The following RBFOX1 variants were observed in gnomAD, a reference collection of about 807,000 sequenced individuals.
RBFOX1 encodes RNA binding protein fox-1 homolog 1.
RBFOX1 carries 8 observed loss-of-function variants against 57.7 expected under a neutral mutation model. The ratio of observed to expected loss-of-function variants is 0.14; its 90% CI spans 0.08 to 0.25. The LOEUF is 0.25. Ranked by LOEUF, RBFOX1 falls within the 10% of genes least tolerant of loss-of-function variation. RBFOX1 has a pLI of 1.00. For synonymous variants in RBFOX1, 326 were observed against 222.4 expected, an observed-to-expected ratio of 1.47 and a Z score of -4.15; for missense variants, 611 against 548.5, an observed-to-expected ratio of 1.11 and a Z score of -1.14.
chr16:6,658,483 A>C (rs2098676884), intron 3 of RBFOX1, among the ~76,000 whole-genome samples: 1 of 152,176 alleles, frequency 6.6e-6, no homozygotes, highest in African/African-American at 2.4e-5. Flanking sequence ...CTGGGATTAC[A>C]GGCATGAGCC....
chr16:7,363,835 GT>G lies in RBFOX1; in HGVS notation c.28-154309del, dbSNP rs1361983411. ...AGAATCTCCCGTCAGTCTTCTTGAT[GT>G]TTATTATCTGGGTGGAGGGGGAGGG... On this transcript the variant is annotated intron_variant, in intron 4 of 15. Transcript: ENST00000550418. Among the ~76,000 whole-genome samples the G allele has an allele frequency of 1.2e-4, 18 of 152,106 alleles. No individual in the cohort carries two copies. The East Asian group carries it at 3.3e-3, about 28-fold the overall frequency.
At chr16:6,136,793 T>C (rs932317755) in intron 1 of RBFOX1, among the ~76,000 whole-genome samples, 1 of 152,212 alleles carries the variant, frequency 6.6e-6, no homozygotes, top group African/African-American at 2.4e-5. Flanking sequence ...CACAGAGAAG[T>C]ACTGTTCCTT....
intron 7 of RBFOX1, among the ~76,000 whole-genome samples, chr16:7,593,937 G>A (rs995344621): frequency 6.6e-6 from 1 of 152,048 alleles, no homozygotes; most frequent in African/African-American, 2.4e-5. Flanking sequence ...TATTCCGACT[G>A]TTGAAAAGTT....
chr16:6,353,566 G>T (rs2086766999), intron 2 of RBFOX1, among the ~76,000 whole-genome samples: 2 of 152,096 alleles, frequency 1.3e-5, no homozygotes, highest in South Asian at 4.2e-4. Context: ...AGCCAGGTAG[G>T]ATGGGTCCTT....
chr16:7,072,430 C>A (rs2057515012), intron 4 of RBFOX1, among the ~76,000 whole-genome samples: 1 of 152,178 alleles, frequency 6.6e-6, no homozygotes, highest in Non-Finnish European at 1.5e-5. Flanking sequence ...TAGATTGACT[C>A]CTCTTAAGGG....
chr16:6,229,153 C>G (rs1046741584), intron 1 of RBFOX1, among the ~76,000 whole-genome samples: 1 of 152,022 alleles, frequency 6.6e-6, no homozygotes, highest in African/African-American at 2.4e-5. Context: ...ATCTCCTTAC[C>G]TTTTACCCCC....
intron 4 of RBFOX1, among the ~76,000 whole-genome samples, chr16:5,972,919 C>T (rs1203478042): frequency 1.3e-5 from 2 of 152,160 alleles, no homozygotes; most frequent in African/African-American, 2.4e-5. Flanking sequence ...CCCAGCTTTT[C>T]CACAGACAAA....
chr16:5,734,587 T>C (rs565258891), intron 3 of RBFOX1, among the ~76,000 whole-genome samples: 9 of 152,264 alleles, frequency 5.9e-5, no homozygotes, highest in East Asian at 1.9e-4. Flanking sequence ...CTCCAATGAA[T>C]TGATCATCTT....
Position 5,788,192 on chromosome 16 carries a change from G to C in RBFOX1, c.319-79111G>C, listed in dbSNP as rs978874349. On this transcript the variant is annotated intron_variant, in intron 3 of 19. Transcript: ENST00000641259. ...TCCCAGGACTGCATCCTGAATATCTGCTGTTGGCCGGTAGTTTATTTACCC... is the reference window on the plus strand; with the variant it reads ...TCCCAGGACTGCATCCTGAATATCTCCTGTTGGCCGGTAGTTTATTTACCC... Among the ~76,000 whole-genome samples, 4 of 152,186 alleles carry C rather than the reference G, an allele frequency of 2.6e-5. No individual in the cohort carries two copies. In the South Asian group the frequency reaches 8.3e-4, roughly 31 times the overall value.
intron 1 of RBFOX1, among the ~76,000 whole-genome samples, chr16:6,289,250 G>T (rs772504562): frequency 1.3e-5 from 2 of 152,114 alleles, no homozygotes; most frequent in Non-Finnish European, 2.9e-5. Context: ...TTTTGGAAGT[G>T]TGGATATAGG....
At chr16:6,695,580 T>C (rs2345614) in intron 3 of RBFOX1, among the ~76,000 whole-genome samples, 1 of 46,058 alleles carries the variant, frequency 2.2e-5, no homozygotes, top group African/African-American at 3.5e-5. Flanking sequence ...GTATGAGATA[T>C]AGAATGATGA....
chr16:5,907,381 C>G (rs74845049), intron 4 of RBFOX1, among the ~76,000 whole-genome samples: 4,846 of 152,182 alleles, frequency 0.032, 258 homozygotes, highest in African/African-American at 0.11. Flanking sequence ...ACTTCTCCAT[C>G]CAAAACCATT....
chr16:6,901,324 C>G (rs561402108), intron 3 of RBFOX1, among the ~76,000 whole-genome samples: 1 of 152,296 alleles, frequency 6.6e-6, no homozygotes, highest in African/African-American at 2.4e-5. Flanking sequence ...CACGGCAAGT[C>G]AACAGAAGTT....
intron 3 of RBFOX1, among the ~76,000 whole-genome samples, chr16:7,012,411 C>G (rs1005121149): frequency 3.9e-5 from 6 of 152,162 alleles, no homozygotes; most frequent in Non-Finnish European, 5.9e-5. Context: ...GTTTCTGAGG[C>G]CACATGGGTG....
chr16:7,181,755 C>T (rs1393073901), intron 4 of RBFOX1, among the ~76,000 whole-genome samples: 1 of 151,946 alleles, frequency 6.6e-6, no homozygotes, highest in Non-Finnish European at 1.5e-5. Flanking sequence ...GAGACACAGT[C>T]TTGCCATGTT....
At chr16:7,392,708 A>G (rs1333436605) in intron 4 of RBFOX1, among the ~76,000 whole-genome samples, 1 of 152,180 alleles carries the variant, frequency 6.6e-6, no homozygotes, top group African/African-American at 2.4e-5. Context: ...TGATTATGTT[A>G]AGAAACTGAA....
intron 2 of RBFOX1, among the ~76,000 whole-genome samples, chr16:6,596,945 C>A (rs2097781892): frequency 6.6e-6 from 1 of 152,186 alleles, no homozygotes; most frequent in African/African-American, 2.4e-5. Flanking sequence ...TAGGCAGCCC[C>A]TGGTTTCTGC....
chr16:6,675,022 C>T (rs1294473602), intron 3 of RBFOX1, among the ~76,000 whole-genome samples: 1 of 152,146 alleles, frequency 6.6e-6, no homozygotes, highest in Non-Finnish European at 1.5e-5. Context: ...TCTCGTGCCT[C>T]AGCCTCCTCA....
At chr16:5,331,077 C>G (rs1037267052) in intron 1 of RBFOX1, among the ~76,000 whole-genome samples, 1 of 152,062 alleles carries the variant, frequency 6.6e-6, no homozygotes, top group Non-Finnish European at 1.5e-5. Flanking sequence ...TGATGTGGCT[C>G]TAGGAGAAAG....
Sources: allele counts gnomAD v4.1 joint callset (sites outside exome capture counted in the v4.1 genomes callset), GRCh38; gene constraint gnomAD v4.1.1; transcripts MANE v1.5; gene names NCBI Gene and HGNC (gene_info 2026-07-23, HGNC 2026-07-21).